Variants in GAN observed in about 807,000 individuals in gnomAD.
GAN encodes epididymis secretory sperm binding protein.
In GAN, 48 loss-of-function variants were observed where a neutral mutation model predicts 71.3. The observed-to-expected ratio is 0.67, with a 90% CI of 0.53 to 0.86. GAN has a LOEUF of 0.86. Ranked by LOEUF, GAN falls within the 40% of genes least tolerant of loss-of-function variation. The pLI is 0.00. For synonymous variants in GAN, 386 were observed against 276.8 expected, an observed-to-expected ratio of 1.39 and a Z score of -3.92; for missense variants, 928 against 770.1, an observed-to-expected ratio of 1.21 and a Z score of -2.43.
chr16:81,332,260 A>G (rs915802777), intron 1 of GAN, among the ~76,000 whole-genome samples: 4 of 152,092 alleles, frequency 2.6e-5, no homozygotes, highest in African/African-American at 9.7e-5. Context: ...CCAGTCAGAG[A>G]CGTTGCAGGT....
Position 81,381,795 on chromosome 16 carries a change from G to C in GAN, c.*4199G>C, listed in dbSNP as rs535728796. 14 of 152,196 alleles carry C rather than the reference G, an allele frequency of 9.2e-5. No individual in the cohort carries two copies. Among genetic ancestry groups the C allele is most frequent in the Non-Finnish European group, 1.9e-4 (13 of 68,040 alleles). 9.4% of individuals were successfully genotyped at this position (152,196 alleles called of 1,614,324 possible). A position where few individuals can be genotyped will look rare whatever the true frequency, so the allele number is the denominator to read the frequency against. On this transcript the variant is annotated 3_prime_UTR_variant, in exon 11 of 11. Coordinates refer to ENST00000648994, the MANE Select transcript of GAN (RefSeq NM_022041.4). ...CAAAGTAATGTTCTTCTGTTGAAAA[G>C]GGCACTCCAAGAGTGACTGATTTTA...
At chr16:81,317,358 C>T (rs1174339595) in intron 1 of GAN, among the ~76,000 whole-genome samples, 1 of 152,208 alleles carries the variant, frequency 6.6e-6, no homozygotes, top group African/African-American at 2.4e-5. Context: ...TTTGAAGACC[C>T]GCTTTGTGCT....
chr16:81,361,336 C>T (rs1201338711), intron 5 of GAN, among the ~76,000 whole-genome samples: 1 of 152,168 alleles, frequency 6.6e-6, no homozygotes. Flanking sequence ...AGAAGTTTTG[C>T]ATTTGTTTCT....
intron 9 of GAN, among the ~76,000 whole-genome samples, chr16:81,370,181 G>C (rs1910993895): frequency 6.6e-6 from 1 of 152,192 alleles, no homozygotes; most frequent in Admixed American, 6.5e-5. Flanking sequence ...AGTCCACAGA[G>C]ATTTTAATCA....
intron 1 of GAN, among the ~76,000 whole-genome samples, chr16:81,324,908 T>A (rs1909332694): frequency 6.6e-6 from 1 of 152,144 alleles, no homozygotes; most frequent in African/African-American, 2.4e-5. Context: ...GTTGTTCAGA[T>A]GGAAAGTGGG....
Position 81,356,992 on chromosome 16 carries a change from G to A in GAN, c.841G>A (p.Glu281Lys), listed in dbSNP as rs201620512. Residue 281 changes from glutamate (E) to lysine (K), a missense_variant, in exon 4 of 11, where the codon GAA becomes AAA. Transcript: ENST00000648994. ...YSECIVTVGGEERVSRKPTAA... is the reference protein window; with the variant it reads ...YSECIVTVGGKERVSRKPTAA... ...TGAGTGCATCGTGACTGTTGGTGGA[G>A]AAGAGAGAGTGTAAGTATGAGGTGG... 2 of 1,600,888 alleles carry A rather than the reference G, an allele frequency of 1.2e-6. No individual in the cohort carries two copies. The highest frequency in any genetic ancestry group is 4.5e-5 in the East Asian group (2 of 44,846).
chr16:81,360,402 A>G (rs980606979), intron 5 of GAN, among the ~76,000 whole-genome samples: 1 of 152,012 alleles, frequency 6.6e-6, no homozygotes, highest in Admixed American at 6.6e-5. Flanking sequence ...TCTGCCTTCC[A>G]TTGTTGTGAA....
At chr16:81,329,245 C>T (rs1344586489) in intron 1 of GAN, among the ~76,000 whole-genome samples, 3 of 151,942 alleles carry the variant, frequency 2.0e-5, no homozygotes, top group Non-Finnish European at 2.9e-5. Context: ...TTTCCAGTGC[C>T]TGGCGTGTAG....
At chr16:81,335,016 A>G (rs1046876648) in intron 1 of GAN, among the ~76,000 whole-genome samples, 2 of 151,952 alleles carry the variant, frequency 1.3e-5, no homozygotes, top group African/African-American at 2.4e-5. Flanking sequence ...GATAAATTCT[A>G]TGGAAAAATA....
chr16:81,335,917 C>T (rs938298993), intron 1 of GAN, among the ~76,000 whole-genome samples: 2 of 152,114 alleles, frequency 1.3e-5, no homozygotes, highest in African/African-American at 4.8e-5. Flanking sequence ...CAGCTCTGAG[C>T]TCAGTGAGAG....
At chr16:81,354,873 T>TA (rs896084062) in intron 3 of GAN, 118 bp downstream of exon 3, 1 of 677,570 alleles carries the variant, frequency 1.5e-6, no homozygotes, top group Admixed American at 2.4e-5. Context: ...ATCTAAAAGA[T>TA]ACCTGTAAAA....
At chr16:81,337,215 A>G (rs578004619) in intron 1 of GAN, among the ~76,000 whole-genome samples, 1 of 152,222 alleles carries the variant, frequency 6.6e-6, no homozygotes, top group Non-Finnish European at 1.5e-5. Context: ...TGAAGAGGCT[A>G]CACAGGCCCC....
At chr16:81,321,188 C>G (rs1371004839) in intron 1 of GAN, among the ~76,000 whole-genome samples, 2 of 152,114 alleles carry the variant, frequency 1.3e-5, no homozygotes, top group Non-Finnish European at 2.9e-5. Flanking sequence ...TGGAAGGTTT[C>G]AAATGATGAA....
At chr16:81,363,207 A>G (rs533109310) in intron 6 of GAN, among the ~76,000 whole-genome samples, 3 of 152,342 alleles carry the variant, frequency 2.0e-5, no homozygotes, top group South Asian at 4.1e-4. Flanking sequence ...TCCCACGTCA[A>G]CTTGAAAACA....
intron 1 of GAN, among the ~76,000 whole-genome samples, chr16:81,333,428 C>A (rs773149247): frequency 9.9e-5 from 15 of 152,096 alleles, no homozygotes; most frequent in African/African-American, 3.6e-4. Flanking sequence ...ATTAGGTGGA[C>A]TCTGAAATTT....
chr16:81,323,759 C>T (rs1266564360), intron 1 of GAN, among the ~76,000 whole-genome samples: 1 of 152,210 alleles, frequency 6.6e-6, no homozygotes, highest in Non-Finnish European at 1.5e-5. Context: ...GACAAGGCCA[C>T]TGTCCTCCTG....
At position 81,373,782 on chromosome 16, in the gene GAN, C is replaced by T. The variant is rs746301130; in HGVS notation, c.1503-3437C>T. 1.8e-4 allele frequency among the ~76,000 whole-genome samples: 28 copies of T among 152,156 alleles called. 1 individual carries two copies. Among genetic ancestry groups the T allele is most frequent in the Non-Finnish European group, 7.4e-5 (5 of 68,024 alleles). The stretch of plus-strand genomic sequence containing the variant: ...TTTTTGAGACAGAGTCTTGCTCTGT[C>T]AGCAGGCTGGAGTGCAATGGCGCGA... On this transcript the variant is annotated intron_variant, in intron 9 of 10. Transcript: ENST00000648994.
At chr16:81,361,765 G>A (rs992657771) in intron 5 of GAN, among the ~76,000 whole-genome samples, 14 of 152,176 alleles carry the variant, frequency 9.2e-5, no homozygotes, top group Non-Finnish European at 1.9e-4. Context: ...CATGATCACA[G>A]CCCACTTCAG....
chr16:81,352,135 A>G (rs1169269114), intron 2 of GAN, among the ~76,000 whole-genome samples: 1 of 152,184 alleles, frequency 6.6e-6, no homozygotes, highest in East Asian at 1.9e-4. Context: ...GTAGAAATAG[A>G]GAGTTCCTTG....
Sources: gnomAD v4.1 joint callset for allele counts (sites outside exome capture counted in the v4.1 genomes callset) on GRCh38, gnomAD v4.1.1 for gene constraint, MANE v1.5 for transcripts, NCBI Gene and HGNC (gene_info 2026-07-23, HGNC 2026-07-21) for gene names.